Variants in DISC1 observed in about 807,000 individuals in gnomAD.
The protein encoded by DISC1 is disrupted in schizophrenia 1 protein.
A neutral mutation model predicts 84.5 loss-of-function variants in DISC1; 57 were observed. That is an observed-to-expected ratio of 0.67 (90% CI 0.55 to 0.84). The LOEUF is 0.84. DISC1 is among the 40% of genes least tolerant of loss of function. The pLI, the probability that DISC1 is intolerant of heterozygous loss-of-function variation, is 0.00. For missense variants in DISC1, 1,000 were observed against 1,057.8 expected (o/e 0.95, Z 0.76); for synonymous variants, 411 against 415.2 (o/e 0.99, Z 0.12).
chr1:231,976,928 A>C (rs1446200230), intron 10 of DISC1, among the ~76,000 whole-genome samples: 1 of 152,154 alleles, frequency 6.6e-6, no homozygotes, highest in African/African-American at 2.4e-5. Flanking sequence ...TACTTTAAAG[A>C]GATTATGTGC....
At chr1:232,030,840 G>A (rs1669942258) in intron 12 of DISC1, among the ~76,000 whole-genome samples, 1 of 152,144 alleles carries the variant, frequency 6.6e-6, no homozygotes, top group South Asian at 2.1e-4. Flanking sequence ...CTGGCCAGGT[G>A]CGGTGGCTTA....
intron 6 of DISC1, among the ~76,000 whole-genome samples, chr1:231,773,447 C>G (rs570644725): frequency 6.6e-6 from 1 of 152,232 alleles, no homozygotes; most frequent in Non-Finnish European, 1.5e-5. Context: ...TGCAGTGGTG[C>G]GATCTCGGCT....
intron 9 of DISC1, among the ~76,000 whole-genome samples, chr1:231,949,052 T>A (rs965099404): frequency 6.6e-6 from 1 of 152,002 alleles, no homozygotes; most frequent in African/African-American, 2.4e-5. Flanking sequence ...GTATTTTTAG[T>A]AGAGACGGGG....
chr1:231,877,417 C>A (rs1379911107), intron 9 of DISC1, among the ~76,000 whole-genome samples: 2 of 152,208 alleles, frequency 1.3e-5, no homozygotes, highest in Non-Finnish European at 2.9e-5. Flanking sequence ...ACCTCCTTTA[C>A]TGTTTAAAGA....
chr1:231,937,647 CGGGTGGATGG>C (rs1370045057), intron 9 of DISC1, among the ~76,000 whole-genome samples: 5 of 152,060 alleles, frequency 3.3e-5, no homozygotes, highest in Non-Finnish European at 7.4e-5. Context: ...TGTGTGGAGG[CGGGTGGATGG>C]GGGGATGTCC....
intron 1 of DISC1, among the ~76,000 whole-genome samples, chr1:231,690,108 C>A (rs1444942283): frequency 6.6e-6 from 1 of 152,132 alleles, no homozygotes; most frequent in Non-Finnish European, 1.5e-5. Context: ...CCTATTTGGA[C>A]TGTGTATAGA....
At chr1:231,777,159 A>T (rs1247910802) in intron 6 of DISC1, among the ~76,000 whole-genome samples, 3 of 152,056 alleles carry the variant, frequency 2.0e-5, no homozygotes, top group African/African-American at 7.2e-5. Context: ...TCATCTGGAG[A>T]AAGAGGAGAG....
intron 1 of DISC1, among the ~76,000 whole-genome samples, chr1:231,668,450 G>A (rs975694334): frequency 7.9e-5 from 12 of 152,114 alleles, no homozygotes; most frequent in African/African-American, 2.4e-4. Context: ...CACCTCAAGC[G>A]GCCATTCCTG....
Position 231,985,537 on chromosome 1 carries a change from A to G in DISC1, c.2043-23248A>G, listed in dbSNP as rs114502112. ...TTCTGGGAAGAATAATAAGGATTAG[A>G]TGTCAGAAAGTGTGTCATGACATAT... On this transcript the variant is annotated intron_variant, in intron 10 of 12. Coordinates refer to ENST00000439617, the MANE Select transcript of DISC1 (RefSeq NM_018662.3). 9.9e-3 allele frequency among the ~76,000 whole-genome samples: 1,509 copies of G among 152,294 alleles called. 19 individuals are homozygous for G. Among genetic ancestry groups the G allele is most frequent in the Middle Eastern group, 0.017 (5 of 294 alleles).
intron 10 of DISC1, among the ~76,000 whole-genome samples, chr1:231,970,089 A>G (rs1028839800): frequency 2.6e-5 from 4 of 152,176 alleles, no homozygotes; most frequent in African/African-American, 9.7e-5. Context: ...TAGCAGCAAG[A>G]TTTATAATCC....
chr1:231,635,400 G>A (rs181046514), intron 1 of DISC1, among the ~76,000 whole-genome samples: 66 of 151,026 alleles, frequency 4.4e-4, no homozygotes, highest in Admixed American at 8.0e-4. Context: ...GCATCAAAAT[G>A]TCATCCCTCA....
intron 1 of DISC1, among the ~76,000 whole-genome samples, chr1:231,663,372 G>A (rs1453656063): frequency 3.3e-5 from 5 of 152,198 alleles, no homozygotes; most frequent in Non-Finnish European, 2.9e-5. Context: ...TCAAATGCCT[G>A]AATAATGCAG....
chr1:231,814,522 G>A (rs888918286), intron 8 of DISC1, among the ~76,000 whole-genome samples: 2 of 152,186 alleles, frequency 1.3e-5, no homozygotes, highest in East Asian at 1.9e-4. Flanking sequence ...GTTTTCCTTG[G>A]CATCTTCTTC....
chr1:231,840,330 T>G (rs2082944106), intron 9 of DISC1, among the ~76,000 whole-genome samples: 1 of 152,158 alleles, frequency 6.6e-6, no homozygotes, highest in Non-Finnish European at 1.5e-5. Context: ...AAATAAAAAT[T>G]TATATCCCAC....
intron 1 of DISC1, among the ~76,000 whole-genome samples, chr1:231,641,368 G>A (rs1460137854): frequency 6.6e-6 from 1 of 152,100 alleles, no homozygotes; most frequent in East Asian, 1.9e-4. Flanking sequence ...GCGGACCTTC[G>A]CGGTGAGTGT....
At chr1:231,966,505 C>T (rs1661138142) in intron 10 of DISC1, among the ~76,000 whole-genome samples, 1 of 152,186 alleles carries the variant, frequency 6.6e-6, no homozygotes, top group Admixed American at 6.5e-5. Context: ...TATCTCTAAC[C>T]ATTGTACAGG....
At chr1:231,806,595 T>C (rs534971512) in intron 8 of DISC1, among the ~76,000 whole-genome samples, 1 of 152,320 alleles carries the variant, frequency 6.6e-6, no homozygotes, top group East Asian at 1.9e-4. Flanking sequence ...AGGTCTGACC[T>C]AACTGCCCAA....
intron 4 of DISC1, among the ~76,000 whole-genome samples, chr1:231,766,914 G>T (rs2076214066): frequency 6.6e-6 from 1 of 152,102 alleles, no homozygotes; most frequent in Admixed American, 6.5e-5. Context: ...GACAGTGCAG[G>T]TCCCATAATA....
intron 10 of DISC1, among the ~76,000 whole-genome samples, chr1:231,963,990 AG>A (rs1423463026): frequency 3.9e-5 from 6 of 152,196 alleles, no homozygotes; most frequent in African/African-American, 1.4e-4. Context: ...CGATTAGGTC[AG>A]GGGTCGATCT....
Sources: gnomAD v4.1 joint callset for allele counts (sites outside exome capture counted in the v4.1 genomes callset) on GRCh38, gnomAD v4.1.1 for gene constraint, MANE v1.5 for transcripts, NCBI Gene and HGNC (gene_info 2026-07-23, HGNC 2026-07-21) for gene names.